FBXO22: variants seen among roughly 807,000 people sequenced by gnomAD.
FBXO22 encodes F-box only protein 22.
FBXO22 carries 13 observed loss-of-function variants against 37.2 expected under a neutral mutation model. That is an observed-to-expected ratio of 0.35 (90% CI 0.23 to 0.56). The LOEUF (loss-of-function observed/expected upper bound fraction) is 0.56, where lower values mean the gene tolerates loss of function less well. Ranked by LOEUF, FBXO22 falls within the 20% of genes least tolerant of loss-of-function variation. The pLI is 0.87. For synonymous variants in FBXO22, 189 were observed against 189.1 expected (o/e 1.00, Z 0.00); for missense variants, 446 against 509.9 (o/e 0.87, Z 1.21).
chr15:75,917,274 A>G lies in FBXO22; in HGVS notation c.508A>G (p.Ile170Val). 1 of 1,612,880 alleles carries G rather than the reference A, an allele frequency of 6.2e-7. No individual in the cohort carries two copies. The highest frequency in any genetic ancestry group is 2.2e-5 in the East Asian group (1 of 44,784). ...TAGCAATCGACCTCAGGAAATAGAA[A>G]TTGGAGAATCTGGTTTTGCTTTATT... is the stretch of plus-strand genomic sequence containing the variant. ...SGSNRPQEIE[I>V]GESGFALLFP... Residue 170 changes from isoleucine to valine, a missense_variant, in exon 5 of 7, where the codon ATT (isoleucine) becomes GTT (valine). Physicochemically the swap from Ile to Val is conservative, Grantham distance 29. Around this residue, in one of 2 missense-constraint regions of FBXO22, gnomAD observed 315 missense variants for 410.1 expected, o/e 0.77. Transcript: ENST00000308275.
At chr15:75,920,985 ATGT>A (rs915812362) in intron 5 of FBXO22, among the ~76,000 whole-genome samples, 2 of 152,126 alleles carry the variant, frequency 1.3e-5, no homozygotes, top group African/African-American at 2.4e-5. Flanking sequence ...TCTTTAGGCA[ATGT>A]TGTTGTTGTG....
intron 5 of FBXO22, among the ~76,000 whole-genome samples, chr15:75,920,771 T>C (rs1355459785): frequency 1.3e-5 from 2 of 152,054 alleles, no homozygotes; most frequent in Non-Finnish European, 2.9e-5. Flanking sequence ...TGCCGTGAGC[T>C]GAAGTCACGC....
At chr15:75,904,169 C>T in intron 1 of FBXO22, 66 bp downstream of exon 1, 3 of 1,469,432 alleles carry the variant, frequency 2.0e-6, no homozygotes, top group Non-Finnish European at 1.8e-6. Flanking sequence ...CCCAGGCTGG[C>T]GGGGTGGGGG....
intron 5 of FBXO22, among the ~76,000 whole-genome samples, chr15:75,929,105 G>C (rs1374416903): frequency 6.6e-6 from 1 of 152,050 alleles, no homozygotes; most frequent in Non-Finnish European, 1.5e-5. Flanking sequence ...GTGCTACCTT[G>C]GGAGGCTGTA....
rs1398579034 is a variant in FBXO22 at position 75,936,493 on chromosome 15, C to T, written c.*3391C>T. 2 of 152,152 alleles carry T rather than the reference C, an allele frequency of 1.3e-5. No homozygotes were observed. Among genetic ancestry groups the T allele is most frequent in the African/African-American group, 4.8e-5 (2 of 41,424 alleles). 9.4% of individuals were successfully genotyped at this position (152,152 alleles called of 1,614,324 possible). A position where few individuals can be genotyped will look rare whatever the true frequency, so the allele number is the denominator to read the frequency against. On this transcript the variant is annotated 3_prime_UTR_variant, in exon 7 of 7. Transcript: ENST00000308275. ...ATTTAACTTCTACCCTATGCCACAACTGAAGACAGGTTACAAGAACATGTG... is the reference window on the plus strand; with the variant it reads ...ATTTAACTTCTACCCTATGCCACAATTGAAGACAGGTTACAAGAACATGTG...
chr15:75,926,723 G>A (rs1338328108), intron 5 of FBXO22, among the ~76,000 whole-genome samples: 8 of 152,192 alleles, frequency 5.3e-5, no homozygotes, highest in African/African-American at 1.7e-4. Context: ...GTTTTTAAAG[G>A]AGAGAAGGAA....
intron 5 of FBXO22, among the ~76,000 whole-genome samples, chr15:75,925,315 A>T (rs1026718541): frequency 6.6e-5 from 10 of 152,204 alleles, no homozygotes; most frequent in African/African-American, 2.4e-4. Flanking sequence ...TCTATAATGT[A>T]CTTAGAACGG....
chr15:75,904,110 A>G lies in FBXO22; in HGVS notation c.140+7A>G. 6.5e-7 allele frequency: 1 copy of G among 1,536,892 alleles called. No homozygotes were observed. The highest frequency in any genetic ancestry group is 8.8e-7 in the Non-Finnish European group (1 of 1,139,060). ...CGTTGCTGCGGGTGGCCTGGTGAGG[A>G]GAGGAGGCGGAGGCGGGAAGCTTGC... On this transcript the variant is annotated splice_region_variant and intron_variant, in intron 1 of 6. Coordinates refer to ENST00000308275, the MANE Select transcript of FBXO22 (RefSeq NM_147188.3).
intron 4 of FBXO22, among the ~76,000 whole-genome samples, chr15:75,914,996 T>A (rs927337433): frequency 6.6e-6 from 1 of 152,188 alleles, no homozygotes; most frequent in Non-Finnish European, 1.5e-5. Flanking sequence ...AGATGGAGTT[T>A]CACTCTTGTC....
At chr15:75,919,527 A>G (rs1468163720) in intron 5 of FBXO22, among the ~76,000 whole-genome samples, 3 of 152,226 alleles carry the variant, frequency 2.0e-5, no homozygotes, top group African/African-American at 7.2e-5. Context: ...CTCTCCAGTT[A>G]GGGCAAGTTT....
In FBXO22 at chr15:75,940,407, T is replaced by TC. The variant is rs1172946257; in HGVS notation, c.*7306dup. The TC allele has an allele frequency of 4.6e-5, 7 of 151,250 alleles. No homozygotes were observed. The highest frequency in any genetic ancestry group is 8.8e-5 in the Non-Finnish European group (6 of 67,862). 9.4% of individuals were successfully genotyped at this position (151,250 alleles called of 1,614,324 possible). On this transcript the variant is annotated 3_prime_UTR_variant, in exon 7 of 7. Transcript: ENST00000308275. ...TCTAATGTTAATATGTCAGTACTACTCAAAGTGATGTGCAGATTCACTACA... is the reference window on the plus strand; with the variant it reads ...TCTAATGTTAATATGTCAGTACTACTCCAAAGTGATGTGCAGATTCACTACA...
chr15:75,928,805 G>A (rs1224236316), intron 5 of FBXO22, among the ~76,000 whole-genome samples: 1 of 152,190 alleles, frequency 6.6e-6, no homozygotes, highest in African/African-American at 2.4e-5. Flanking sequence ...TGTGGGCAGA[G>A]CAAGTAGGCT....
intron 5 of FBXO22, among the ~76,000 whole-genome samples, chr15:75,927,517 G>A (rs527634001): frequency 2.0e-5 from 3 of 152,220 alleles, no homozygotes; most frequent in South Asian, 2.1e-4. Context: ...CACTTCTCTG[G>A]CATTGGCAGT....
Position 75,917,317 on chromosome 15 carries a change from G to A in FBXO22, c.551G>A (p.Gly184Glu). The change falls in exon 5 of 7, where the codon GGA becomes GAA. Residue 184 changes from glycine (G) to glutamate (E), a missense_variant. Gly to Glu is a moderately conservative substitution (Grantham distance 98, BLOSUM62 -2). Around this residue, in one of 2 missense-constraint regions of FBXO22, gnomAD observed 315 missense variants for 410.1 expected, o/e 0.77. Coordinates refer to ENST00000308275, the MANE Select transcript of FBXO22 (RefSeq NM_147188.3). ...GFALLFPQIE[G>E]IKIQPFHFIK... ...GCTTTATTATTCCCTCAAATTGAAGGAATAAAAATACAACCCTTTCATTTT... is the reference window on the plus strand; with the variant it reads ...GCTTTATTATTCCCTCAAATTGAAGAAATAAAAATACAACCCTTTCATTTT... 1 of 1,608,940 alleles carries A rather than the reference G, an allele frequency of 6.2e-7. No homozygotes were observed. Among genetic ancestry groups the A allele is most frequent in the Non-Finnish European group, 8.5e-7 (1 of 1,176,022 alleles).
rs1899876593 is a variant in FBXO22, at chr15:75,904,531, C to T, written c.181C>T (p.Arg61Trp). The change falls in exon 2 of 7, where the codon CGG becomes TGG. Residue 61 changes from arginine (R) to tryptophan (W), a missense_variant. Transcript: ENST00000308275. ...GAGGGAGTGTGTGCGCAGAGTATTG[C>T]GGACCCATCGGAGCGTAACCTGGAT... The part of the protein sequence containing the change: ...LWRECVRRVL[R>W]THRSVTWISA... 6.2e-7 allele frequency: 1 copy of T among 1,613,770 alleles called. No individual in the cohort carries two copies. Among genetic ancestry groups the T allele is most frequent in the Non-Finnish European group, 8.5e-7 (1 of 1,179,886 alleles).
chr15:75,931,564 C>A (rs563131280), intron 6 of FBXO22, among the ~76,000 whole-genome samples: 1 of 152,340 alleles, frequency 6.6e-6, no homozygotes, highest in South Asian at 2.1e-4. Flanking sequence ...TTACTACTAG[C>A]TAGCCTTATT....
At chr15:75,926,204 G>A (rs767955972) in intron 5 of FBXO22, among the ~76,000 whole-genome samples, 2 of 152,208 alleles carry the variant, frequency 1.3e-5, no homozygotes, top group Non-Finnish European at 2.9e-5. Flanking sequence ...TCTATGGCGG[G>A]TGGCCCAGAA....
rs951389327 is a variant in FBXO22 at position 75,939,580 on chromosome 15, ATAC to A, written c.*6482_*6484del. On this transcript the variant is annotated 3_prime_UTR_variant, in exon 7 of 7. Transcript: ENST00000308275. ...ATTCTGATGCTGAAGCCAGACAAAG[ATAC>A]TACAAGAAAAGATTACAGACCAGTT... 6.6e-6 allele frequency: 1 copy of A among 152,172 alleles called. No individual in the cohort carries two copies. Among genetic ancestry groups the A allele is most frequent in the Non-Finnish European group, 1.5e-5 (1 of 68,006 alleles). 9.4% of individuals were successfully genotyped at this position (152,172 alleles called of 1,614,324 possible).
intron 1 of FBXO22, 103 bp from the exon 2 acceptor site, chr15:75,904,388 G>T (rs779339421): frequency 3.2e-6 from 5 of 1,551,752 alleles, no homozygotes; most frequent in Non-Finnish European, 4.4e-6. Flanking sequence ...TTTGGATCCC[G>T]CAGGGATCTC....
Sources: allele counts gnomAD v4.1 joint callset (sites outside exome capture counted in the v4.1 genomes callset), GRCh38; gene constraint gnomAD v4.1.1; regional missense constraint gnomAD v4.1.1; transcripts MANE v1.5; gene names NCBI Gene and HGNC (gene_info 2026-07-23, HGNC 2026-07-21).